Variants in GJC1 observed in about 807,000 individuals in gnomAD.
The protein encoded by GJC1 is gap junction gamma-1 protein.
GJC1 carries 5 observed loss-of-function variants against 29.3 expected under a neutral mutation model. The observed-to-expected ratio is 0.17, with a 90% CI of 0.09 to 0.36. The LOEUF (loss-of-function observed/expected upper bound fraction) is 0.36. Among genes scored for constraint, GJC1 ranks in the 10% least tolerant of loss-of-function variants. GJC1 has a pLI of 1.00. For missense variants in GJC1, 310 were observed against 496.2 expected, an observed-to-expected ratio of 0.62 and a Z score of 3.56; for synonymous variants, 177 against 183.3, an observed-to-expected ratio of 0.97 and a Z score of 0.28.
At chr17:44,808,562 G>A (rs1239100498) in intron 1 of GJC1, among the ~76,000 whole-genome samples, 2 of 151,842 alleles carry the variant, frequency 1.3e-5, no homozygotes, top group Non-Finnish European at 1.5e-5. Flanking sequence ...ACCAGCCTGG[G>A]CAACATGTGA....
intron 1 of GJC1, among the ~76,000 whole-genome samples, chr17:44,824,046 T>C (rs1014091721): frequency 6.7e-6 from 1 of 148,792 alleles, no homozygotes; most frequent in Non-Finnish European, 1.5e-5. Flanking sequence ...TCTTGCTCTG[T>C]TGCCAGGCTG....
At chr17:44,820,369 T>G (rs2050094033) in intron 1 of GJC1, among the ~76,000 whole-genome samples, 1 of 152,222 alleles carries the variant, frequency 6.6e-6, no homozygotes. Flanking sequence ...GAATAAGTTC[T>G]TTCCATATCC....
chr17:44,811,772 G>C (rs541993919), intron 1 of GJC1, among the ~76,000 whole-genome samples: 1 of 152,176 alleles, frequency 6.6e-6, no homozygotes, highest in Non-Finnish European at 1.5e-5. Context: ...GGGAGGCTGA[G>C]ACAAGTGGAT....
chr17:44,804,344 C>A lies in GJC1; in HGVS notation c.*283G>T. ...TAATACTGTACATACAAAAACTGTT[C>A]AACAAGAATGATTTAAATATGTCTG... On this transcript the variant is annotated 3_prime_UTR_variant, in exon 3 of 3. Coordinates refer to ENST00000592524, the MANE Select transcript of GJC1 (RefSeq NM_005497.4). 2.8e-6 allele frequency: 1 copy of A among 355,378 alleles called. No individual in the cohort carries two copies. Among genetic ancestry groups the A allele is most frequent in the Non-Finnish European group, 5.1e-6 (1 of 197,782 alleles). 22.0% of individuals were successfully genotyped at this position (355,378 alleles called of 1,614,324 possible).
At chr17:44,822,156 C>T (rs906845978) in intron 1 of GJC1, among the ~76,000 whole-genome samples, 32 of 135,440 alleles carry the variant, frequency 2.4e-4, no homozygotes, top group African/African-American at 7.6e-4. Context: ...AAGATCGTGC[C>T]ACTGCACTCC....
intron 1 of GJC1, among the ~76,000 whole-genome samples, chr17:44,811,936 G>A (rs1030469132): frequency 6.6e-6 from 1 of 151,852 alleles, no homozygotes; most frequent in Non-Finnish European, 1.5e-5. Flanking sequence ...CTGGGAGGCA[G>A]AGGTTGCAGT....
At chr17:44,827,201 T>C (rs1211819652) in intron 1 of GJC1, among the ~76,000 whole-genome samples, 1 of 151,914 alleles carries the variant, frequency 6.6e-6, no homozygotes, top group Non-Finnish European at 1.5e-5. Context: ...TCCCAGCTAC[T>C]TGGGAGGCTG....
downstream of GJC1, chr17:44,794,356 T>G (rs2049772021): frequency 6.6e-6 from 1 of 152,248 alleles, no homozygotes; most frequent in South Asian, 2.1e-4. Flanking sequence ...CACGGAACAA[T>G]TTGCACTTAC....
At chr17:44,795,027 C>G (rs1221503512), downstream of GJC1, 1 of 152,190 alleles carries the variant, frequency 6.6e-6, no homozygotes, top group Non-Finnish European at 1.5e-5. Flanking sequence ...GAATGCTTGT[C>G]ACCATGTCAT....
intron 1 of GJC1, among the ~76,000 whole-genome samples, chr17:44,819,667 TAAATAAATA>T (rs1597755805): frequency 1.8e-5 from 1 of 54,912 alleles, no homozygotes; most frequent in Admixed American, 3.0e-4. Flanking sequence ...CAAAAATAAA[TAAATAAATA>T]AATAAATAAA....
rs754787469 is a variant in GJC1 at position 44,805,556 on chromosome 17, A to G, written c.262T>C (p.Ser88Pro). ...ATAGCATAGCCCAGGTACATCACAG[A>G]GGGAGTTGCCACCAGGATGATCTGG... ...VFQIILVATP[S>P]VMYLGYAIHK... is the part of the protein sequence containing the mutation. Residue 88 changes from serine to proline, a missense_variant, in exon 3 of 3, where the codon TCT (serine) becomes CCT (proline). Ser to Pro is a moderately conservative substitution (Grantham distance 74). Transcript: ENST00000592524. The surrounding 1 kb of genome is among the most constrained non-coding windows in gnomAD (Gnocchi z 5.1). 2 of 1,614,198 alleles carry G rather than the reference A, an allele frequency of 1.2e-6. No individual in the cohort carries two copies. The highest frequency in any genetic ancestry group is 2.2e-5 in the East Asian group (1 of 44,890).
chr17:44,813,961 G>T (rs150555937), intron 1 of GJC1, among the ~76,000 whole-genome samples: 41 of 152,196 alleles, frequency 2.7e-4, no homozygotes, highest in African/African-American at 8.7e-4. Flanking sequence ...TTAAGGATTG[G>T]CTTACAATGT....
intron 1 of GJC1, among the ~76,000 whole-genome samples, chr17:44,816,796 C>T (rs868830133): frequency 1.1e-4 from 17 of 151,964 alleles, no homozygotes; most frequent in South Asian, 2.1e-4. Context: ...TGAGCTACCG[C>T]GCCCAGCCGA....
chr17:44,824,282 A>G (rs1334971523), intron 1 of GJC1, among the ~76,000 whole-genome samples: 1 of 152,102 alleles, frequency 6.6e-6, no homozygotes, highest in Non-Finnish European at 1.5e-5. Flanking sequence ...CTGGGATTAC[A>G]GGTGTGAGCC....
chr17:44,817,328 C>A (rs1405886711), intron 1 of GJC1, among the ~76,000 whole-genome samples: 1 of 151,786 alleles, frequency 6.6e-6, no homozygotes, highest in Non-Finnish European at 1.5e-5. Context: ...CTTTCTTGAC[C>A]ACTCGCTAGT....
downstream of GJC1, among the ~76,000 whole-genome samples, chr17:44,798,194 A>C (rs1416331034): frequency 1.3e-5 from 2 of 152,226 alleles, no homozygotes; most frequent in East Asian, 3.8e-4. Flanking sequence ...GAAGAGCTTC[A>C]AATCAGCTAT....
chr17:44,811,475 T>A (rs2049981175), intron 1 of GJC1, among the ~76,000 whole-genome samples: 1 of 147,966 alleles, frequency 6.8e-6, no homozygotes, highest in Non-Finnish European at 1.5e-5. Flanking sequence ...AGCCTCAGCC[T>A]CCCCAGGTTC....
At chr17:44,821,709 A>AAAAAAAAAAAAAAAAC (rs2050108762) in intron 1 of GJC1, among the ~76,000 whole-genome samples, 1 of 147,914 alleles carries the variant, frequency 6.8e-6, no homozygotes, top group African/African-American at 2.5e-5. Context: ...AAAAAAAAAA[A>AAAAAAAAAAAAAAAAC]AAAAAAAAAA....
intron 1 of GJC1, among the ~76,000 whole-genome samples, chr17:44,811,699 T>C (rs2049983884): frequency 6.6e-6 from 1 of 152,024 alleles, no homozygotes; most frequent in East Asian, 1.9e-4. Flanking sequence ...TTTCTCTTAA[T>C]ATAATTCTGT....
Sources: allele counts gnomAD v4.1 joint callset (sites outside exome capture counted in the v4.1 genomes callset), GRCh38; gene constraint gnomAD v4.1.1; non-coding constraint Gnocchi (gnomAD v3.1); transcripts MANE v1.5; gene names NCBI Gene and HGNC (gene_info 2026-07-23, HGNC 2026-07-21).